Variants in THSD4 observed in about 807,000 individuals in gnomAD.
THSD4 encodes the protein thrombospondin type 1 domain containing 4, also known as thrombospondin type-1 domain-containing protein 4.
THSD4 carries 69 observed loss-of-function variants against 119.0 expected under a neutral mutation model. The ratio of observed to expected loss-of-function variants is 0.58; its 90% CI spans 0.48 to 0.71. The LOEUF is 0.71. Among genes scored for constraint, THSD4 ranks in the 30% least tolerant of loss-of-function variants. The probability of loss-of-function intolerance (pLI) is 0.00; values close to 1 mark genes in which losing one functional copy is unlikely to be tolerated. For missense variants in THSD4, 1,393 were observed against 1,391.1 expected, an observed-to-expected ratio of 1.00 and a Z score of -0.02; for synonymous variants, 524 against 540.4, an observed-to-expected ratio of 0.97 and a Z score of 0.42.
At chr15:71,746,350 G>A (rs1226275597) in intron 12 of THSD4, among the ~76,000 whole-genome samples, 1 of 152,104 alleles carries the variant, frequency 6.6e-6, no homozygotes, top group Non-Finnish European at 1.5e-5. Flanking sequence ...AAATTTATCT[G>A]CCTTTACAGA....
intron 7 of THSD4, among the ~76,000 whole-genome samples, chr15:71,424,991 A>C (rs1214895739): frequency 2.0e-5 from 3 of 152,276 alleles, no homozygotes; most frequent in Admixed American, 1.3e-4. Context: ...CCTGAGTCAG[A>C]ATGACCCCAA....
intron 6 of THSD4, among the ~76,000 whole-genome samples, chr15:71,334,170 T>C (rs981253576): frequency 2.6e-5 from 4 of 152,142 alleles, no homozygotes; most frequent in Non-Finnish European, 4.4e-5. Flanking sequence ...ACCATAACAG[T>C]CATAAACTGA....
chr15:71,271,218 C>T (rs2044526417), intron 6 of THSD4, among the ~76,000 whole-genome samples: 1 of 152,060 alleles, frequency 6.6e-6, no homozygotes, highest in Non-Finnish European at 1.5e-5. Context: ...CTGGTAACAA[C>T]CCAAATATCC....
intron 3 of THSD4, among the ~76,000 whole-genome samples, chr15:71,160,250 C>T (rs1335387104): frequency 6.6e-6 from 1 of 151,448 alleles, no homozygotes; most frequent in East Asian, 1.9e-4. Context: ...CATCTATGTT[C>T]ATCAGGAATA....
At chr15:71,760,668 T>A (rs775604261) in intron 15 of THSD4, among the ~76,000 whole-genome samples, 1 of 152,222 alleles carries the variant, frequency 6.6e-6, no homozygotes, top group Non-Finnish European at 1.5e-5. Context: ...TGCCTCTGGG[T>A]CTGGATTGCA....
At chr15:71,323,576 G>A (rs768110052) in intron 6 of THSD4, among the ~76,000 whole-genome samples, 1 of 152,186 alleles carries the variant, frequency 6.6e-6, no homozygotes, top group Non-Finnish European at 1.5e-5. Flanking sequence ...TAAAGCTGTG[G>A]GTGCCAGAGC....
At chr15:71,415,427 T>A (rs931097327) in intron 7 of THSD4, among the ~76,000 whole-genome samples, 7 of 152,248 alleles carry the variant, frequency 4.6e-5, no homozygotes, top group African/African-American at 1.7e-4. Flanking sequence ...GCACATAATA[T>A]ATATTTATAG....
At chr15:71,588,254 C>G (rs563243507) in intron 7 of THSD4, among the ~76,000 whole-genome samples, 1 of 148,096 alleles carries the variant, frequency 6.8e-6, no homozygotes, top group Non-Finnish European at 1.5e-5. Flanking sequence ...TGCAGTGAGC[C>G]GAGATCGCGC....
chr15:71,235,151 C>G (rs2044093723), intron 4 of THSD4, among the ~76,000 whole-genome samples: 1 of 152,210 alleles, frequency 6.6e-6, no homozygotes, highest in Non-Finnish European at 1.5e-5. Flanking sequence ...TGCTTTGTAT[C>G]AATGCCAGGA....
At chr15:71,438,835 C>T (rs767832592) in intron 7 of THSD4, among the ~76,000 whole-genome samples, 1 of 152,124 alleles carries the variant, frequency 6.6e-6, no homozygotes, top group African/African-American at 2.4e-5. Context: ...CAAATGGAAA[C>T]CTTTCTTTGT....
intron 6 of THSD4, among the ~76,000 whole-genome samples, chr15:71,390,537 A>G (rs1000351392): frequency 2.6e-5 from 4 of 152,122 alleles, no homozygotes; most frequent in Non-Finnish European, 5.9e-5. Flanking sequence ...CCCTATGTCT[A>G]CTTTGTCATA....
At chr15:71,260,306 G>A (rs755564681) in intron 6 of THSD4, among the ~76,000 whole-genome samples, 1 of 151,968 alleles carries the variant, frequency 6.6e-6, no homozygotes, top group African/African-American at 2.4e-5. Flanking sequence ...CTGATTTTTT[G>A]GAAAATTTCA....
At chr15:71,371,944 A>C (rs1357701564) in intron 6 of THSD4, among the ~76,000 whole-genome samples, 1 of 152,142 alleles carries the variant, frequency 6.6e-6, no homozygotes, top group Non-Finnish European at 1.5e-5. Context: ...GTCTTTTCAC[A>C]TAGTCCCATA....
intron 6 of THSD4, among the ~76,000 whole-genome samples, chr15:71,377,867 AACACACACACACACACACACACACAC>A (rs376497737): frequency 3.5e-5 from 3 of 86,278 alleles, no homozygotes; most frequent in African/African-American, 8.7e-5. Context: ...ACATATCCAC[AACACACACACACACACACACACACAC>A]ACACACACAC....
At chr15:71,757,259 T>A (rs2053555111) in intron 14 of THSD4, among the ~76,000 whole-genome samples, 1 of 151,966 alleles carries the variant, frequency 6.6e-6, no homozygotes, top group Non-Finnish European at 1.5e-5. Context: ...AATCCCCTCA[T>A]AGCTGTGACC....
chr15:71,425,070 A>G (rs976247783), intron 7 of THSD4, among the ~76,000 whole-genome samples: 3 of 150,740 alleles, frequency 2.0e-5, no homozygotes, highest in Admixed American at 6.6e-5. Context: ...GGTGCCTTGC[A>G]AAAAAAAATA....
chr15:71,264,489 T>A (rs1047343288), intron 6 of THSD4, among the ~76,000 whole-genome samples: 5 of 152,178 alleles, frequency 3.3e-5, no homozygotes, highest in African/African-American at 1.2e-4. Flanking sequence ...GAGGGCAACC[T>A]CTTTGTGAAA....
intron 4 of THSD4, among the ~76,000 whole-genome samples, chr15:71,223,996 G>A (rs917546205): frequency 6.6e-6 from 1 of 152,138 alleles, no homozygotes; most frequent in African/African-American, 2.4e-5. Flanking sequence ...AGGAAGACAA[G>A]CAGACATTTA....
intron 6 of THSD4, among the ~76,000 whole-genome samples, chr15:71,388,832 C>A (rs1018286228): frequency 4.6e-5 from 7 of 152,038 alleles, no homozygotes; most frequent in African/African-American, 1.7e-4. Flanking sequence ...GCTGTGTCGC[C>A]ACCCAAATCT....
Sources: allele counts gnomAD v4.1 joint callset (sites outside exome capture counted in the v4.1 genomes callset), GRCh38; gene constraint gnomAD v4.1.1; transcripts MANE v1.5; gene names NCBI Gene and HGNC (gene_info 2026-07-23, HGNC 2026-07-21).